Variants in NDUFA10 observed in about 807,000 individuals in gnomAD.
NDUFA10 encodes the protein NADH dehydrogenase [ubiquinone] 1 alpha subcomplex subunit 10, mitochondrial.
Under a neutral mutation model 47.8 loss-of-function variants are expected in NDUFA10, and 40 were observed. The ratio of observed to expected loss-of-function variants is 0.84; its 90% CI spans 0.65 to 1.09. NDUFA10 has a LOEUF of 1.09. NDUFA10 is among the 50% of genes least tolerant of loss of function. NDUFA10 has a pLI of 0.00. For synonymous variants in NDUFA10, 183 were observed against 172.2 expected (o/e 1.06, Z -0.49); for missense variants, 413 against 451.1 (o/e 0.92, Z 0.76).
At chr2:239,916,099 G>A (rs1693870095) in intron 4 of NDUFA10, among the ~76,000 whole-genome samples, 3 of 139,548 alleles carry the variant, frequency 2.1e-5, no homozygotes, top group Admixed American at 7.2e-5. Flanking sequence ...TACACACAGA[G>A]AGACACAGAG....
chr2:239,936,687 T>C (rs1694271748), intron 4 of NDUFA10, among the ~76,000 whole-genome samples: 1 of 152,218 alleles, frequency 6.6e-6, no homozygotes, highest in Admixed American at 6.5e-5. Context: ...TTGTGGTGAC[T>C]CATGCCTGTA....
intron 4 of NDUFA10, among the ~76,000 whole-genome samples, chr2:239,903,925 G>C (rs191105562): frequency 1.3e-5 from 2 of 152,184 alleles, no homozygotes; most frequent in Admixed American, 1.3e-4. Context: ...GGCAGGGGCC[G>C]CCTGGCCTCA....
chr2:239,949,106 G>A (rs1694506880), intron 4 of NDUFA10, among the ~76,000 whole-genome samples: 1 of 152,210 alleles, frequency 6.6e-6, no homozygotes, highest in South Asian at 2.1e-4. Context: ...ACGTATGAGA[G>A]CTCATTATGA....
At chr2:239,988,689 C>T (rs1696106073) in intron 9 of NDUFA10, among the ~76,000 whole-genome samples, 1 of 152,182 alleles carries the variant, frequency 6.6e-6, no homozygotes, top group Non-Finnish European at 1.5e-5. Context: ...AAAGCAGAGA[C>T]AGGGAACGAA....
chr2:239,921,590 T>C (rs1395450081), intron 4 of NDUFA10, among the ~76,000 whole-genome samples: 1 of 152,226 alleles, frequency 6.6e-6, no homozygotes, highest in Non-Finnish European at 1.5e-5. Flanking sequence ...AACCTCTTGC[T>C]AGCTACAGGG....
chr2:239,939,886 C>T (rs1369312763), intron 4 of NDUFA10, among the ~76,000 whole-genome samples: 2 of 152,220 alleles, frequency 1.3e-5, no homozygotes, highest in East Asian at 3.9e-4. Context: ...CAGTGCAGGC[C>T]AAGCTGCGAT....
intron 4 of NDUFA10, among the ~76,000 whole-genome samples, chr2:239,909,874 G>A (rs1048898924): frequency 1.3e-5 from 2 of 150,964 alleles, no homozygotes; most frequent in African/African-American, 4.9e-5. Context: ...ATCTAATATC[G>A]AGTCTACAAG....
chr2:239,914,563 TAC>T lies in NDUFA10; in HGVS notation c.295-19251_295-19250del, dbSNP rs145066368. 1.2e-4 allele frequency among the ~76,000 whole-genome samples: 12 copies of T among 100,146 alleles called. 2 individuals are homozygous for T. Among genetic ancestry groups the T allele is most frequent in the Middle Eastern group, 0.014 (2 of 138 alleles). 65.7% of individuals were successfully genotyped at this position (100,146 alleles called of 152,430 possible). ...ACACACAAATATACAGACACAGAGA[TAC>T]ACACACACACAGAGAACACATACAT... On this transcript the variant is annotated intron_variant, in intron 4 of 5. Transcript: ENST00000419408.
At chr2:240,007,509 G>A (rs774935515) in intron 6 of NDUFA10, 139 bp from the exon 7 acceptor site, 1 of 695,872 alleles carries the variant, frequency 1.4e-6, no homozygotes, top group Non-Finnish European at 2.6e-6. Flanking sequence ...TGCTGGGCAT[G>A]TGAGGGTGCA....
At chr2:240,002,709 G>A (rs975889679) in intron 8 of NDUFA10, among the ~76,000 whole-genome samples, 12 of 152,042 alleles carry the variant, frequency 7.9e-5, no homozygotes, top group African/African-American at 2.9e-4. Flanking sequence ...TCACCCTTCA[G>A]TATCCATTCC....
rs148656779 is a variant in NDUFA10 at position 240,014,778 on chromosome 2, G to C, written c.630C>G (p.Pro210=). The C allele has an allele frequency of 1.9e-6, 3 of 1,614,064 alleles. No homozygotes were observed. Among genetic ancestry groups the C allele is most frequent in the Non-Finnish European group, 8.5e-7 (1 of 1,180,026 alleles). ...GAATCCGCCTCTGGACCTCTGGAAC[G>C]GGCACATCGATGTAAATCACCAGGT... ...PPHLVIYIDV[P]VPEVQRRIQK... Residue 210 remains proline (P), a synonymous_variant, in exon 5 of 10, where the codon CCC becomes CCG. Coordinates refer to ENST00000252711, the MANE Select transcript of NDUFA10 (RefSeq NM_004544.4).
chr2:239,961,400 C>T (rs545615748), intron 9 of NDUFA10, among the ~76,000 whole-genome samples: 35 of 152,322 alleles, frequency 2.3e-4, no homozygotes, highest in African/African-American at 8.4e-4. Flanking sequence ...AAGCTTCTGT[C>T]CTAGGGCTGG....
At position 239,959,410 on chromosome 2, in the gene NDUFA10, AG is replaced by A; in HGVS notation, c.*1707del. 1 of 985,494 alleles carries A rather than the reference AG, an allele frequency of 1.0e-6. No individual in the cohort carries two copies. 61.0% of individuals were successfully genotyped at this position (985,494 alleles called of 1,614,324 possible). A position where few individuals can be genotyped will look rare whatever the true frequency, so the allele number is the denominator to read the frequency against. On this transcript the variant is annotated 3_prime_UTR_variant, in exon 10 of 10. Coordinates refer to ENST00000252711, the MANE Select transcript of NDUFA10 (RefSeq NM_004544.4). Reference sequence around the variant, plus strand: ...CATTAGGAACAGCTAAGATAATTAAAGATGGCTTTCTTTTTCTTTCCTCCCC... The same window carrying A: ...CATTAGGAACAGCTAAGATAATTAAAATGGCTTTCTTTTTCTTTCCTCCCC...
intron 8 of NDUFA10, among the ~76,000 whole-genome samples, chr2:240,001,696 T>C (rs894900186): frequency 3.9e-5 from 6 of 152,234 alleles, no homozygotes; most frequent in Non-Finnish European, 7.3e-5. Context: ...ATCCCTGTCC[T>C]AAAGTTAAAA....
At chr2:239,894,473 G>C (rs1157082706) in intron 5 of NDUFA10, among the ~76,000 whole-genome samples, 1 of 151,946 alleles carries the variant, frequency 6.6e-6, no homozygotes, top group Non-Finnish European at 1.5e-5. Flanking sequence ...CAAGTTTCCT[G>C]CCACCTCCTC....
intron 8 of NDUFA10, among the ~76,000 whole-genome samples, chr2:239,995,323 C>T (rs1696426624): frequency 6.6e-6 from 1 of 152,080 alleles, no homozygotes; most frequent in Non-Finnish European, 1.5e-5. Context: ...ACAGTGACAG[C>T]AGGAGGAGCC....
At chr2:239,989,502 G>C (rs1012219463) in intron 9 of NDUFA10, among the ~76,000 whole-genome samples, 4 of 152,272 alleles carry the variant, frequency 2.6e-5, no homozygotes, top group Non-Finnish European at 5.9e-5. Flanking sequence ...TTGCAGTGCA[G>C]GCTGCAACTC....
rs886055826 is a variant in NDUFA10 at position 240,025,337 on chromosome 2, G to A, written c.-36C>T. 10 of 1,472,172 alleles carry A rather than the reference G, an allele frequency of 6.8e-6. No homozygotes were observed. The highest frequency in any genetic ancestry group is 2.9e-5 in the East Asian group (1 of 34,130). 91.2% of individuals were successfully genotyped at this position (1,472,172 alleles called of 1,614,324 possible). The stretch of plus-strand genomic sequence containing the variant: ...TCAGCTCAGGATCAAGGACCCAAGG[G>A]GACGCGGTCGCGACGGGGCCCTCTC... On this transcript the variant is annotated 5_prime_UTR_variant, in exon 1 of 10. Coordinates refer to ENST00000252711, the MANE Select transcript of NDUFA10 (RefSeq NM_004544.4).
chr2:240,017,761 A>G, intron 4 of NDUFA10: 1 of 1,433,282 alleles, frequency 7.0e-7, no homozygotes, highest in Non-Finnish European at 9.6e-7. Context: ...AGTACCGGCA[A>G]CACCAGGACA....
Sources: allele counts gnomAD v4.1 joint callset (sites outside exome capture counted in the v4.1 genomes callset), GRCh38; gene constraint gnomAD v4.1.1; transcripts MANE v1.5; gene names NCBI Gene and HGNC (gene_info 2026-07-23, HGNC 2026-07-21).